The following CPEB2 variants were observed in gnomAD, a reference collection of about 807,000 sequenced individuals.
The protein encoded by CPEB2 is cytoplasmic polyadenylation element binding protein 2, also known as cytoplasmic polyadenylation element-binding protein 2.
In CPEB2, 56 loss-of-function variants were observed where a neutral mutation model predicts 93.6. That is an observed-to-expected ratio of 0.60 (90% CI 0.48 to 0.75). CPEB2 has a LOEUF of 0.75. CPEB2 is among the 30% of genes least tolerant of loss of function. The pLI is 0.00. For synonymous variants in CPEB2, 764 were observed against 586.3 expected, an observed-to-expected ratio of 1.30 and a Z score of -4.38; for missense variants, 1,579 against 1,395.1, an observed-to-expected ratio of 1.13 and a Z score of -2.10.
At chr4:15,031,719 T>G (rs1726117696) in intron 4 of CPEB2, among the ~76,000 whole-genome samples, 1 of 152,190 alleles carries the variant, frequency 6.6e-6, no homozygotes, top group Non-Finnish European at 1.5e-5. Context: ...AGTGTGTATA[T>G]GTATGTACAG....
chr4:15,040,850 G>A lies in CPEB2; in HGVS notation c.2200+363G>A, dbSNP rs532571965. Among the ~76,000 whole-genome samples, 5 of 152,238 alleles carry A rather than the reference G, an allele frequency of 3.3e-5. 1 individual carries two copies. In the South Asian group the frequency reaches 1.0e-3, roughly 32 times the overall value. On this transcript the variant is annotated intron_variant, in intron 6 of 11. Transcript: ENST00000538197. ...TTTTCTGCTCTCTAAATGTGTAACT[G>A]TCATATTTATGATGTATAATTTACA... is the stretch of plus-strand genomic sequence containing the variant.
intron 5 of CPEB2, among the ~76,000 whole-genome samples, chr4:15,035,545 A>G (rs1189105049): frequency 6.6e-6 from 1 of 152,164 alleles, no homozygotes. Context: ...CTATAAATAC[A>G]TGAAGTTGGA....
In CPEB2 at chr4:15,059,320, A is replaced by G; in HGVS notation, c.2695+19A>G. 6.7e-7 allele frequency: 1 copy of G among 1,482,264 alleles called. No homozygotes were observed. The highest frequency in any genetic ancestry group is 9.4e-7 in the Non-Finnish European group (1 of 1,067,046). The allele number at this position is 1,482,264 out of a possible 1,614,324, so 91.8% of individuals were successfully genotyped here. A position where few individuals can be genotyped will look rare whatever the true frequency, so the allele number is the denominator to read the frequency against. On this transcript the variant is annotated intron_variant, in intron 10 of 11. Transcript: ENST00000538197. ...AGGGCTGGTAAGTAGAATGTTAACAATTTTGTTTAAAAAAATCATTTAAAT... is the reference window on the plus strand; with the variant it reads ...AGGGCTGGTAAGTAGAATGTTAACAGTTTTGTTTAAAAAAATCATTTAAAT...
In CPEB2 at chr4:15,040,501, G is replaced by T; in HGVS notation, c.2200+14G>T. Reference sequence around the variant, plus strand: ...GGCGAAGACGAGGTAATTCATTTCTGTTTGCTATGGTATAATTGTTTCTAA... The same window carrying T: ...GGCGAAGACGAGGTAATTCATTTCTTTTTGCTATGGTATAATTGTTTCTAA... On this transcript the variant is annotated intron_variant, in intron 6 of 11. Coordinates refer to ENST00000538197, the MANE Select transcript of CPEB2 (RefSeq NM_001177382.2). 1 of 1,534,904 alleles carries T rather than the reference G, an allele frequency of 6.5e-7. No individual in the cohort carries two copies. Among genetic ancestry groups the T allele is most frequent in the Non-Finnish European group, 8.7e-7 (1 of 1,145,796 alleles).
At position 15,069,666 on chromosome 4, in the gene CPEB2, A is replaced by G. The variant is rs976851550; in HGVS notation, c.*3286A>G. On this transcript the variant is annotated 3_prime_UTR_variant, in exon 12 of 12. Transcript: ENST00000538197. ...AATATTATTTTGTATTTTTATGTGG[A>G]AATATATAATTTTATGACACTAATT... 4.0e-5 allele frequency: 6 copies of G among 151,838 alleles called. No individual in the cohort carries two copies. Among genetic ancestry groups the G allele is most frequent in the Non-Finnish European group, 8.9e-5 (6 of 67,752 alleles). The allele number at this position is 151,838 out of a possible 1,614,324, so 9.4% of individuals were successfully genotyped here. A position where few individuals can be genotyped will look rare whatever the true frequency, so the allele number is the denominator to read the frequency against.
In CPEB2 at chr4:15,002,491, C is replaced by G. The variant is rs1366120686; in HGVS notation, c.-183C>G. On this transcript the variant is annotated 5_prime_UTR_variant, in exon 1 of 12. Transcript: ENST00000538197. ...GCGGCTACGGCGACTGCGACGGCGG[C>G]GGCGGCGGCGATCGCCGCGAGGGGT... is the stretch of plus-strand genomic sequence containing the variant. 1.3e-5 allele frequency among the ~76,000 whole-genome samples: 2 copies of G among 150,562 alleles called. No individual in the cohort carries two copies. Among genetic ancestry groups the G allele is most frequent in the Non-Finnish European group, 1.5e-5 (1 of 67,480 alleles).
Position 15,002,697 on chromosome 4 carries a change from G to A in CPEB2, c.24G>A (p.Val8=). Residue 8 remains valine (V), a synonymous_variant, in exon 1 of 12, where the codon GTG becomes GTA. Coordinates refer to ENST00000538197, the MANE Select transcript of CPEB2 (RefSeq NM_001177382.2). ...AAATGAGGGATTTCGGGTTTGGGGTGCTGCAGACCGCCCCGCTCCGAAGTA... is the reference window on the plus strand; with the variant it reads ...AAATGAGGGATTTCGGGTTTGGGGTACTGCAGACCGCCCCGCTCCGAAGTA... The part of the protein sequence containing the change: MRDFGFG[V]LQTAPLRSSS... 3.3e-6 allele frequency: 5 copies of A among 1,520,140 alleles called. No individual in the cohort carries two copies. In the South Asian group the frequency reaches 4.8e-5, roughly 15 times the overall value. 94.2% of individuals were successfully genotyped at this position (1,520,140 alleles called of 1,614,324 possible). A position where few individuals can be genotyped will look rare whatever the true frequency, so the allele number is the denominator to read the frequency against.
chr4:15,009,631 C>T (rs1723230425), intron 3 of CPEB2, among the ~76,000 whole-genome samples: 1 of 151,936 alleles, frequency 6.6e-6, no homozygotes, highest in Non-Finnish European at 1.5e-5. Context: ...TTGAAGGTGG[C>T]AAGAGAAATG....
chr4:15,027,831 A>G (rs1227311978), intron 4 of CPEB2, among the ~76,000 whole-genome samples: 2 of 152,158 alleles, frequency 1.3e-5, no homozygotes, highest in African/African-American at 2.4e-5. Context: ...CTCTACATAT[A>G]TGTATTAACT....
At chr4:15,009,117 T>C (rs77976078) in intron 3 of CPEB2, among the ~76,000 whole-genome samples, 8,017 of 152,288 alleles carry the variant, frequency 0.053, 239 homozygotes, top group Non-Finnish European at 0.07. Flanking sequence ...AGGATTATTA[T>C]AGGTTATAGA....
At chr4:15,052,276 T>C in intron 6 of CPEB2, 138 bp from the exon 7 acceptor site, 1 of 526,744 alleles carries the variant, frequency 1.9e-6, no homozygotes, top group Non-Finnish European at 3.1e-6. Context: ...CCACATGCTA[T>C]TTAAATTTCT....
intron 5 of CPEB2, among the ~76,000 whole-genome samples, chr4:15,036,411 A>G (rs1294905552): frequency 3.3e-5 from 5 of 152,202 alleles, no homozygotes; most frequent in Admixed American, 1.3e-4. Flanking sequence ...GTCACATTAT[A>G]TAGAATTGTG....
chr4:15,006,482 G>T (rs1306084056), intron 1 of CPEB2: 1 of 151,146 alleles, frequency 6.6e-6, no homozygotes, highest in Admixed American at 6.6e-5. Flanking sequence ...ATTCTTTGAT[G>T]ATTTGACTTG....
chr4:15,060,417 C>A (rs192439802), intron 10 of CPEB2, among the ~76,000 whole-genome samples: 10 of 152,168 alleles, frequency 6.6e-5, no homozygotes, highest in African/African-American at 2.2e-4. Context: ...GCGGGCAGAC[C>A]AGTTTAACAT....
chr4:15,007,431 A>G lies in CPEB2; in HGVS notation c.1789A>G (p.Met597Val), dbSNP rs747007174. ...RTGNMGIPGT[M>V]NQISPLKKPF... The stretch of plus-strand genomic sequence containing the variant: ...CGGAAACATGGGAATCCCAGGAACT[A>G]TGAATCAGATATCTCCATTGAAGAA... The change falls in exon 2 of 12, where the codon ATG becomes GTG. Residue 597 changes from methionine (M) to valine (V), a missense_variant. Met to Val is a conservative substitution (Grantham distance 21). Coordinates refer to ENST00000538197, the MANE Select transcript of CPEB2 (RefSeq NM_001177382.2). 1.9e-6 allele frequency: 3 copies of G among 1,614,196 alleles called. No individual in the cohort carries two copies. Among genetic ancestry groups the G allele is most frequent in the South Asian group, 1.1e-5 (1 of 91,088 alleles).
intron 3 of CPEB2, among the ~76,000 whole-genome samples, chr4:15,009,158 C>G (rs1723167066): frequency 6.6e-6 from 1 of 152,164 alleles, no homozygotes; most frequent in African/African-American, 2.4e-5. Context: ...CAGGTTCTTT[C>G]TTACAGAGCT....
At chr4:15,021,226 G>A (rs1311081782) in intron 4 of CPEB2, among the ~76,000 whole-genome samples, 1 of 151,994 alleles carries the variant, frequency 6.6e-6, no homozygotes, top group Non-Finnish European at 1.5e-5. Flanking sequence ...TTTATTGTGT[G>A]GTAGTTTCTC....
chr4:15,050,607 T>C (rs1188989833), intron 6 of CPEB2, among the ~76,000 whole-genome samples: 2 of 152,214 alleles, frequency 1.3e-5, no homozygotes, highest in African/African-American at 4.8e-5. Flanking sequence ...AGATCATGTA[T>C]GTCCTCAAAA....
At chr4:15,024,027 A>T (rs1278298684) in intron 4 of CPEB2, among the ~76,000 whole-genome samples, 1 of 152,030 alleles carries the variant, frequency 6.6e-6, no homozygotes, top group African/African-American at 2.4e-5. Context: ...CCTGGAATTA[A>T]TCATTATCTT....
Sources: gnomAD v4.1 joint callset for allele counts (sites outside exome capture counted in the v4.1 genomes callset) on GRCh38, gnomAD v4.1.1 for gene constraint, MANE v1.5 for transcripts, NCBI Gene and HGNC (gene_info 2026-07-23, HGNC 2026-07-21) for gene names.